NELL1: variants seen among roughly 807,000 people sequenced by gnomAD.
NELL1 encodes the protein protein kinase C-binding protein NELL1.
In NELL1, 76 loss-of-function variants were observed where a neutral mutation model predicts 107.4. The ratio of observed to expected loss-of-function variants is 0.71; its 90% CI spans 0.59 to 0.86. NELL1 has a LOEUF of 0.86. Ranked by LOEUF, NELL1 falls within the 40% of genes least tolerant of loss-of-function variation. The pLI, the probability that NELL1 is intolerant of heterozygous loss-of-function variation, is 0.00. For synonymous variants in NELL1, 353 were observed against 341.2 expected, an observed-to-expected ratio of 1.03 and a Z score of -0.38; for missense variants, 1,024 against 1,005.5, an observed-to-expected ratio of 1.02 and a Z score of -0.25.
rs962743791 is a variant in NELL1 at position 21,348,570 on chromosome 11, C to T, written c.1550-22283C>T. ...ATGTTTGGATAAAAATAGCACCTACCTTATGGCATTTTGGGGTGGGGTTAA... is the reference window on the plus strand; with the variant it reads ...ATGTTTGGATAAAAATAGCACCTACTTTATGGCATTTTGGGGTGGGGTTAA... On this transcript the variant is annotated intron_variant, in intron 14 of 19. Transcript: ENST00000357134. 2.3e-4 allele frequency among the ~76,000 whole-genome samples: 35 copies of T among 151,990 alleles called. 1 individual carries two copies. The highest frequency in any genetic ancestry group is 3.4e-3 in the Middle Eastern group (1 of 292).
intron 12 of NELL1, among the ~76,000 whole-genome samples, chr11:21,042,286 T>C (rs1853254749): frequency 1.3e-5 from 2 of 152,192 alleles, no homozygotes; most frequent in African/African-American, 4.8e-5. Flanking sequence ...TATATTGTTG[T>C]ATGGGATTCA....
At position 21,431,015 on chromosome 11, in the gene NELL1, T is replaced by A. The variant is rs186237297; in HGVS notation, c.1645+60067T>A. Among the ~76,000 whole-genome samples, 300 of 152,288 alleles carry A rather than the reference T, an allele frequency of 2.0e-3. 1 individual carries two copies. The highest frequency in any genetic ancestry group is 0.015 in the South Asian group (71 of 4,828). On this transcript the variant is annotated intron_variant, in intron 15 of 19. Transcript: ENST00000357134. ...AAACTGTACAAAGAAAAAAAATCTT[T>A]GGGTGACTTCCCAATTCAAAACACG...
Position 21,413,681 on chromosome 11 carries a change from G to T in NELL1, c.1645+42733G>T, listed in dbSNP as rs183184598. ...ACACCTGTTCCAAGGTGGCCCAACT[G>T]CATGGTCACCCCTTCTCCTCAAATC... is the stretch of plus-strand genomic sequence containing the variant. On this transcript the variant is annotated intron_variant, in intron 15 of 19. Transcript: ENST00000357134. 2.8e-3 allele frequency among the ~76,000 whole-genome samples: 425 copies of T among 152,110 alleles called. 1 individual carries two copies. The highest frequency in any genetic ancestry group is 9.5e-3 in the African/African-American group (395 of 41,514).
chr11:21,076,946 C>G (rs1354220672), intron 12 of NELL1, among the ~76,000 whole-genome samples: 1 of 152,094 alleles, frequency 6.6e-6, no homozygotes, highest in South Asian at 2.1e-4. Flanking sequence ...CCAACCTATG[C>G]TTCTGTATAG....
intron 13 of NELL1, among the ~76,000 whole-genome samples, chr11:21,223,376 A>C (rs1413957018): frequency 6.6e-6 from 1 of 152,084 alleles, no homozygotes; most frequent in East Asian, 1.9e-4. Flanking sequence ...TGATATAAAC[A>C]TAGCTACTTC....
intron 12 of NELL1, among the ~76,000 whole-genome samples, chr11:21,068,058 A>AAAAAAAAAAAAC (rs1853921001): frequency 6.6e-6 from 1 of 150,756 alleles, no homozygotes; most frequent in Non-Finnish European, 1.5e-5. Flanking sequence ...AAAAAAAAAA[A>AAAAAAAAAAAAC]AGACCTCTAT....
chr11:21,126,359 T>TA (rs34940460), intron 13 of NELL1, among the ~76,000 whole-genome samples: 2 of 150,668 alleles, frequency 1.3e-5, no homozygotes, highest in Admixed American at 6.6e-5. Context: ...CCTATTGAGA[T>TA]AATAAATAAA....
intron 15 of NELL1, among the ~76,000 whole-genome samples, chr11:21,523,084 T>G (rs1855769529): frequency 6.6e-6 from 1 of 152,050 alleles, no homozygotes; most frequent in Non-Finnish European, 1.5e-5. Context: ...CCTGACCTCG[T>G]GATCCGCCCG....
chr11:21,083,927 AT>A (rs1245768405), intron 12 of NELL1, among the ~76,000 whole-genome samples: 2 of 152,166 alleles, frequency 1.3e-5, no homozygotes. Flanking sequence ...TTGTAATCGT[AT>A]TTTGGGATTT....
intron 2 of NELL1, among the ~76,000 whole-genome samples, chr11:20,680,864 A>G (rs1854173826): frequency 2.0e-5 from 3 of 151,994 alleles, no homozygotes; most frequent in Admixed American, 2.0e-4. Flanking sequence ...CTTCAGTCCA[A>G]ATTGGCAGGG....
At chr11:21,502,968 C>T (rs953121792) in intron 15 of NELL1, among the ~76,000 whole-genome samples, 3 of 152,070 alleles carry the variant, frequency 2.0e-5, no homozygotes, top group Non-Finnish European at 2.9e-5. Context: ...CCACAACTTC[C>T]GCCTCCCGGG....
In NELL1 at chr11:21,403,763, T is replaced by A. The variant is rs1590904228; in HGVS notation, c.1645+32815T>A. ...TATCAGAAAAAAAAGGAAGAATGGA[T>A]GTTGGGCATGCAGAAACAACAGCAT... On this transcript the variant is annotated intron_variant, in intron 15 of 19. Transcript: ENST00000357134. Among the ~76,000 whole-genome samples, 2 of 151,570 alleles carry A rather than the reference T, an allele frequency of 1.3e-5. 1 individual carries two copies. Among genetic ancestry groups the A allele is most frequent in the African/African-American group, 4.9e-5 (2 of 41,152 alleles).
chr11:20,921,020 G>C (rs546644628), intron 7 of NELL1, among the ~76,000 whole-genome samples: 81 of 152,194 alleles, frequency 5.3e-4, no homozygotes, highest in African/African-American at 1.9e-3. Context: ...TGAAATCTAT[G>C]ATCATCTAGA....
intron 10 of NELL1, among the ~76,000 whole-genome samples, chr11:20,943,975 A>G (rs375525014): frequency 1.3e-5 from 2 of 152,188 alleles, no homozygotes; most frequent in African/African-American, 4.8e-5. Flanking sequence ...GTTAATGGAT[A>G]TTGTCAGCAG....
intron 15 of NELL1, among the ~76,000 whole-genome samples, chr11:21,516,952 G>A (rs1855582043): frequency 6.6e-6 from 1 of 151,846 alleles, no homozygotes; most frequent in African/African-American, 2.4e-5. Context: ...ACCACACCAG[G>A]CTAATTTTTG....
chr11:21,548,666 C>T (rs1391589994), intron 16 of NELL1, among the ~76,000 whole-genome samples: 2 of 151,724 alleles, frequency 1.3e-5, no homozygotes, highest in Non-Finnish European at 2.9e-5. Context: ...GGACCCAGAG[C>T]CAAACCATAT....
rs374581856 is a variant in NELL1, at chr11:21,087,095, G to A, written c.1301-26494G>A. 2.0e-3 allele frequency among the ~76,000 whole-genome samples: 300 copies of A among 152,182 alleles called. 3 individuals carry two copies. Among genetic ancestry groups the A allele is most frequent in the African/African-American group, 6.8e-3 (284 of 41,526 alleles). On this transcript the variant is annotated intron_variant, in intron 12 of 19. Transcript: ENST00000357134. Reference sequence around the variant, plus strand: ...ACCTCGTGATCCGCACGCCTCGGCCGCCCAAAGTGCTGGGATTACAGGCGT... The same window carrying A: ...ACCTCGTGATCCGCACGCCTCGGCCACCCAAAGTGCTGGGATTACAGGCGT...
intron 9 of NELL1, among the ~76,000 whole-genome samples, chr11:20,933,107 T>C (rs571160357): frequency 6.6e-6 from 1 of 152,306 alleles, no homozygotes; most frequent in South Asian, 2.1e-4. Context: ...TGTGGCATAA[T>C]CAAAGATGTG....
At chr11:20,830,443 TCTC>T (rs2134036179) in intron 3 of NELL1, among the ~76,000 whole-genome samples, 1 of 147,208 alleles carries the variant, frequency 6.8e-6, no homozygotes, top group South Asian at 2.2e-4. Context: ...TTCAAGCAAC[TCTC>T]CTGCCTCAGC....
Sources: gnomAD v4.1 joint callset for allele counts (sites outside exome capture counted in the v4.1 genomes callset) on GRCh38, gnomAD v4.1.1 for gene constraint, MANE v1.5 for transcripts, NCBI Gene and HGNC (gene_info 2026-07-23, HGNC 2026-07-21) for gene names.